SFMBT2: variants seen among roughly 807,000 people sequenced by gnomAD.
SFMBT2 encodes the protein scm-like with four MBT domains protein 2.
Under a neutral mutation model 110.1 loss-of-function variants are expected in SFMBT2, and 38 were observed. The observed-to-expected ratio is 0.35, with a 90% CI of 0.27 to 0.45. The LOEUF (loss-of-function observed/expected upper bound fraction) is 0.45. SFMBT2 is among the 20% of genes least tolerant of loss of function. The probability of loss-of-function intolerance (pLI) is 1.00; values close to 1 mark genes in which losing one functional copy is unlikely to be tolerated. For missense variants in SFMBT2, 1,011 were observed against 1,094.9 expected, an observed-to-expected ratio of 0.92 and a Z score of 1.08; for synonymous variants, 425 against 425.4, an observed-to-expected ratio of 1.00 and a Z score of 0.01.
rs993835453 is a variant in SFMBT2 at position 7,161,103 on chromosome 10, G to A, written c.*2667C>T. 4.6e-5 allele frequency: 7 copies of A among 152,250 alleles called. No individual in the cohort carries two copies. The highest frequency in any genetic ancestry group is 1.2e-4 in the African/African-American group (5 of 41,434). The allele number at this position is 152,250 out of a possible 1,614,324, so 9.4% of individuals were successfully genotyped here. ...GTTAAACTGTCAGGGTGAAGGATAC[G>A]GAGAGTCTTGGGCGCTTGGCTCCAC... On this transcript the variant is annotated 3_prime_UTR_variant, in exon 21 of 21. Coordinates refer to ENST00000397167, the MANE Select transcript of SFMBT2 (RefSeq NM_001387889.1).
rs114137317 is a variant in SFMBT2, at chr10:7,350,548, C to T, written c.436+17101G>A. ...TGGCCATGAACTGGCCACGACAGCT[C>T]GCTACATCTTGAAATACAAATATGT... On this transcript the variant is annotated intron_variant, in intron 4 of 20. Coordinates refer to ENST00000397167, the MANE Select transcript of SFMBT2 (RefSeq NM_001387889.1). Among the ~76,000 whole-genome samples, 903 of 152,232 alleles carry T rather than the reference C, an allele frequency of 5.9e-3. 12 individuals are homozygous for T. Among genetic ancestry groups the T allele is most frequent in the African/African-American group, 0.02 (843 of 41,538 alleles).
intron 12 of SFMBT2, chr10:7,205,278 T>C: frequency 2.9e-6 from 1 of 347,770 alleles, no homozygotes. Flanking sequence ...TTTACGTATA[T>C]ACAGTATCTC....
At chr10:7,263,921 G>A (rs978647470) in intron 7 of SFMBT2, among the ~76,000 whole-genome samples, 2 of 152,080 alleles carry the variant, frequency 1.3e-5, no homozygotes, top group African/African-American at 4.8e-5. Flanking sequence ...TTTAATCTAG[G>A]TCTCCGATGC....
At chr10:7,355,760 C>T (rs1365312037) in intron 4 of SFMBT2, among the ~76,000 whole-genome samples, 1 of 152,020 alleles carries the variant, frequency 6.6e-6, no homozygotes, top group Non-Finnish European at 1.5e-5. Flanking sequence ...TGCAGTAAGC[C>T]GAGATAGAGC....
At chr10:7,339,069 G>A (rs539737916) in intron 4 of SFMBT2, among the ~76,000 whole-genome samples, 1 of 152,004 alleles carries the variant, frequency 6.6e-6, no homozygotes, top group African/African-American at 2.4e-5. Flanking sequence ...GCAAAACCCC[G>A]TCTCTACTAA....
At chr10:7,217,241 G>T (rs1839572437) in intron 11 of SFMBT2, among the ~76,000 whole-genome samples, 1 of 152,116 alleles carries the variant, frequency 6.6e-6, no homozygotes, top group Non-Finnish European at 1.5e-5. Flanking sequence ...TCTGGAGATG[G>T]ATGGTGGTGA....
At position 7,161,532 on chromosome 10, in the gene SFMBT2, G is replaced by GA. The variant is rs1014503013; in HGVS notation, c.*2237dup. On this transcript the variant is annotated 3_prime_UTR_variant, in exon 21 of 21. Transcript: ENST00000397167. ...GCATGTGGCTGAGAAGGCAGGGGTGGAAAACCGCAGAGAGTTCAAAACTTG... is the reference window on the plus strand; with the variant it reads ...GCATGTGGCTGAGAAGGCAGGGGTGGAAAAACCGCAGAGAGTTCAAAACTTG... 1 of 152,204 alleles carries GA rather than the reference G, an allele frequency of 6.6e-6. No homozygotes were observed. The highest frequency in any genetic ancestry group is 6.5e-5 in the Admixed American group (1 of 15,282). 9.4% of individuals were successfully genotyped at this position (152,204 alleles called of 1,614,324 possible). A position where few individuals can be genotyped will look rare whatever the true frequency, so the allele number is the denominator to read the frequency against.
At chr10:7,356,393 G>A (rs760237761) in intron 4 of SFMBT2, among the ~76,000 whole-genome samples, 26 of 152,112 alleles carry the variant, frequency 1.7e-4, no homozygotes, top group Non-Finnish European at 2.8e-4. Flanking sequence ...TAGCTACTGC[G>A]TTTTGTTGTT....
At chr10:7,264,424 CG>C (rs1466759803) in intron 7 of SFMBT2, among the ~76,000 whole-genome samples, 1 of 152,150 alleles carries the variant, frequency 6.6e-6, no homozygotes, top group African/African-American at 2.4e-5. Context: ...GGGTATTTTA[CG>C]GAAGTACTTA....
chr10:7,278,444 A>G (rs926415160), intron 6 of SFMBT2, among the ~76,000 whole-genome samples: 2 of 152,290 alleles, frequency 1.3e-5, no homozygotes, highest in East Asian at 1.9e-4. Context: ...GAGAGACAGA[A>G]GGCCACTCAG....
chr10:7,163,991 G>C lies in SFMBT2; in HGVS notation c.2545-81C>G, dbSNP rs1564361187. The C allele has an allele frequency of 6.7e-7, 1 of 1,498,074 alleles. No homozygotes were observed. Among genetic ancestry groups the C allele is most frequent in the Non-Finnish European group, 8.9e-7 (1 of 1,124,406 alleles). 92.8% of individuals were successfully genotyped at this position (1,498,074 alleles called of 1,614,324 possible). ...ATGCGTCACAGCAGGCTCCAGTCCG[G>C]GGCCAAACATGACAACAGGATGCTC... On this transcript the variant is annotated intron_variant, in intron 20 of 20. Coordinates refer to ENST00000397167, the MANE Select transcript of SFMBT2 (RefSeq NM_001387889.1). The surrounding 1 kb of genome is among the most constrained non-coding windows in gnomAD (Gnocchi z 4.8).
At position 7,302,262 on chromosome 10, in the gene SFMBT2, C is replaced by T. The variant is rs528735871; in HGVS notation, c.437-16308G>A. ...TTTGCTAATAAGACAAGGCACCCTC[C>T]CTCTTCTCTCATGTAGTTGAAATAT... On this transcript the variant is annotated intron_variant, in intron 4 of 20. Coordinates refer to ENST00000397167, the MANE Select transcript of SFMBT2 (RefSeq NM_001387889.1). Among the ~76,000 whole-genome samples the T allele has an allele frequency of 1.2e-3, 183 of 152,320 alleles. 2 individuals are homozygous for T. The highest frequency in any genetic ancestry group is 4.3e-3 in the African/African-American group (179 of 41,574).
chr10:7,269,422 G>A (rs1245361309), intron 7 of SFMBT2, among the ~76,000 whole-genome samples: 1 of 152,048 alleles, frequency 6.6e-6, no homozygotes, highest in Non-Finnish European at 1.5e-5. Context: ...GCAGCATAAT[G>A]GGACTCATCC....
At chr10:7,200,510 C>T in intron 13 of SFMBT2, 26 bp from the exon 14 acceptor site, 3 of 1,574,796 alleles carry the variant, frequency 1.9e-6, no homozygotes, top group Non-Finnish European at 2.6e-6. Flanking sequence ...ATAAAACTAT[C>T]AGGGACCACA....
intron 17 of SFMBT2, among the ~76,000 whole-genome samples, chr10:7,174,768 C>T (rs1426644217): frequency 6.6e-6 from 1 of 152,188 alleles, no homozygotes; most frequent in Non-Finnish European, 1.5e-5. Context: ...TGAAGCCCTC[C>T]CCTGGAAAAA....
At chr10:7,329,266 G>A (rs912519447) in intron 4 of SFMBT2, among the ~76,000 whole-genome samples, 5 of 152,158 alleles carry the variant, frequency 3.3e-5, no homozygotes, top group South Asian at 2.1e-4. Flanking sequence ...TGTCAATGAC[G>A]CCTGGCGTGT....
chr10:7,228,695 CTTTCTTTCTTTCTT>C (rs1839979877), intron 9 of SFMBT2, among the ~76,000 whole-genome samples: 1 of 129,070 alleles, frequency 7.7e-6, no homozygotes, highest in Non-Finnish European at 1.6e-5. Context: ...TTCTTTCTTT[CTTTCTTTCTTTCTT>C]TCTTTCTTTC....
At chr10:7,306,592 G>A (rs957155684) in intron 4 of SFMBT2, among the ~76,000 whole-genome samples, 1 of 152,060 alleles carries the variant, frequency 6.6e-6, no homozygotes, top group Non-Finnish European at 1.5e-5. Context: ...TATTCTAAGA[G>A]TAGGATACAA....
chr10:7,344,816 G>A (rs534886695), intron 4 of SFMBT2, among the ~76,000 whole-genome samples: 19 of 152,020 alleles, frequency 1.2e-4, no homozygotes, highest in African/African-American at 1.9e-4. Flanking sequence ...AAAATTAGCC[G>A]GGCACAGTGG....
Sources: allele counts gnomAD v4.1 joint callset (sites outside exome capture counted in the v4.1 genomes callset), GRCh38; gene constraint gnomAD v4.1.1; non-coding constraint Gnocchi (gnomAD v3.1); transcripts MANE v1.5; gene names NCBI Gene and HGNC (gene_info 2026-07-23, HGNC 2026-07-21).